MCTP2: variants seen among roughly 807,000 people sequenced by gnomAD.
MCTP2 encodes multiple C2 and transmembrane domain containing 2.
Under a neutral mutation model 111.6 loss-of-function variants are expected in MCTP2, and 132 were observed. That is an observed-to-expected ratio of 1.18 (90% confidence interval 1.03 to 1.37). The LOEUF (loss-of-function observed/expected upper bound fraction) is 1.37. Ranked by LOEUF, MCTP2 falls within the 40% of genes most tolerant of loss-of-function variation. The probability of loss-of-function intolerance (pLI) is 0.00; values close to 1 mark genes in which losing one functional copy is unlikely to be tolerated. For synonymous variants in MCTP2, 395 were observed against 387.7 expected (o/e 1.02, Z -0.22); for missense variants, 1,183 against 1,067.9 (o/e 1.11, Z -1.50).
intron 21 of MCTP2, among the ~76,000 whole-genome samples, chr15:94,473,976 A>T (rs2074134802): frequency 1.3e-5 from 2 of 151,784 alleles, no homozygotes; most frequent in Admixed American, 1.3e-4. Flanking sequence ...TTTAAACTGT[A>T]GGGCTCATTC....
rs1275005368 is a variant in MCTP2, at chr15:94,245,252, G to GTA, written c.-66+13595_-66+13596dup. ...CATATGTATGTATATATACACATAT[G>GTA]TATATATACATATGTGTATATACGT... On this transcript the variant is annotated intron_variant, in intron 1 of 22. Coordinates refer to ENST00000357742, the MANE Select transcript of MCTP2 (RefSeq NM_001385001.1). 1.2e-4 allele frequency among the ~76,000 whole-genome samples: 17 copies of GTA among 136,052 alleles called. No homozygotes were observed. The South Asian group carries it at 2.9e-3, about 23-fold the overall frequency. The allele number at this position is 136,052 out of a possible 152,430, so 89.3% of individuals were successfully genotyped here.
At chr15:94,356,557 C>G (rs2078637272) in intron 9 of MCTP2, among the ~76,000 whole-genome samples, 1 of 152,088 alleles carries the variant, frequency 6.6e-6, no homozygotes, top group African/African-American at 2.4e-5. Context: ...GAATGTCTGA[C>G]TTATTTTCAA....
chr15:94,407,641 C>T (rs1373412831), intron 17 of MCTP2, among the ~76,000 whole-genome samples: 1 of 152,106 alleles, frequency 6.6e-6, no homozygotes, highest in Non-Finnish European at 1.5e-5. Flanking sequence ...GGTAATATCC[C>T]ATATTTAACA....
chr15:94,303,109 A>T (rs1182888469), intron 2 of MCTP2, among the ~76,000 whole-genome samples: 9 of 130,836 alleles, frequency 6.9e-5, no homozygotes, highest in African/African-American at 2.7e-4. Context: ...GTTTATATAT[A>T]TATATAGTTT....
rs1567467473 is a variant in MCTP2 at position 94,340,291 on chromosome 15, AT to A, written c.857+20del. The A allele has an allele frequency of 6.3e-7, 1 of 1,582,718 alleles. No individual in the cohort carries two copies. The stretch of plus-strand genomic sequence containing the variant: ...AGCTTAACAGGTACCGTATTTTTAC[AT>A]TTTAATTGTTATTGATGAGTTTTAG... On this transcript the variant is annotated intron_variant, in intron 6 of 22. Transcript: ENST00000357742.
intron 2 of MCTP2, among the ~76,000 whole-genome samples, chr15:94,311,320 C>T (rs891625187): frequency 6.6e-6 from 1 of 151,026 alleles, no homozygotes; most frequent in African/African-American, 2.5e-5. Context: ...AGCCACTACA[C>T]TCAGCCTAGG....
chr15:94,417,654 G>A (rs778406322), intron 17 of MCTP2, among the ~76,000 whole-genome samples: 1 of 152,116 alleles, frequency 6.6e-6, no homozygotes, highest in Non-Finnish European at 1.5e-5. Flanking sequence ...TAAGGGAAAG[G>A]AGGATCCAAG....
At chr15:94,454,437 G>C (rs1033871802) in intron 19 of MCTP2, among the ~76,000 whole-genome samples, 1 of 152,040 alleles carries the variant, frequency 6.6e-6, no homozygotes, top group Non-Finnish European at 1.5e-5. Context: ...ACACAGTTGG[G>C]ATATCAACAA....
chr15:94,422,863 TC>T (rs1205907523), intron 17 of MCTP2, among the ~76,000 whole-genome samples: 1 of 152,340 alleles, frequency 6.6e-6, no homozygotes, highest in African/African-American at 2.4e-5. Context: ...TCGTCTTTTT[TC>T]TTTTTTCTTC....
Position 94,476,737 on chromosome 15 carries a change from A to C in MCTP2, c.2512A>C (p.Ile838Leu). Residue 838 changes from isoleucine to leucine, a missense_variant, in exon 22 of 23, where the codon ATC (isoleucine) becomes CTC (leucine). By Grantham distance (5) the Ile-to-Leu change is conservative. Transcript: ENST00000357742. The stretch of plus-strand genomic sequence containing the variant: ...TAAGAAGCTTCGAAATCCCTATTCC[A>C]TCGACAATAATGAGCTACTAGACTT... Reference protein sequence around the residue: ...FTKKLRNPYSIDNNELLDFLS... With the variant: ...FTKKLRNPYSLDNNELLDFLS... The C allele has an allele frequency of 6.2e-7, 1 of 1,609,900 alleles. No individual in the cohort carries two copies. The highest frequency in any genetic ancestry group is 8.5e-7 in the Non-Finnish European group (1 of 1,176,342).
intron 17 of MCTP2, among the ~76,000 whole-genome samples, chr15:94,408,103 G>A (rs2081989608): frequency 6.6e-6 from 1 of 152,094 alleles, no homozygotes; most frequent in Non-Finnish European, 1.5e-5. Flanking sequence ...TTTAAGTTCT[G>A]TCACCAGTTT....
rs529549189 is a variant in MCTP2, at chr15:94,479,306, A to G, written c.*272A>G. 2.1e-5 allele frequency: 10 copies of G among 476,908 alleles called. No individual in the cohort carries two copies. In the South Asian group the frequency reaches 3.0e-4, roughly 14 times the overall value. The allele number at this position is 476,908 out of a possible 1,614,324, so 29.5% of individuals were successfully genotyped here. On this transcript the variant is annotated 3_prime_UTR_variant, in exon 23 of 23. Coordinates refer to ENST00000357742, the MANE Select transcript of MCTP2 (RefSeq NM_001385001.1). ...TAACATCCATTCTGAAATAGGAGAT[A>G]ACAAGGCTGCCATGGATCTGAACAC... is the stretch of plus-strand genomic sequence containing the variant.
intron 10 of MCTP2, among the ~76,000 whole-genome samples, chr15:94,363,944 C>A (rs973368140): frequency 3.3e-5 from 5 of 151,938 alleles, no homozygotes; most frequent in Admixed American, 2.6e-4. Context: ...CATATTGTTT[C>A]TATCAGACAG....
intron 14 of MCTP2, among the ~76,000 whole-genome samples, chr15:94,388,062 G>T (rs114224745): frequency 6.6e-6 from 1 of 152,318 alleles, no homozygotes; most frequent in African/African-American, 2.4e-5. Flanking sequence ...GACCCTGGAG[G>T]ATGTGAAAGT....
intron 14 of MCTP2, among the ~76,000 whole-genome samples, chr15:94,396,343 G>A (rs1360255512): frequency 6.6e-6 from 1 of 151,942 alleles, no homozygotes; most frequent in Non-Finnish European, 1.5e-5. Context: ...TTTTAATTAT[G>A]TCTGTTTAAT....
Position 94,385,472 on chromosome 15 carries a change from G to C in MCTP2, c.1735G>C (p.Asp579His). 6.2e-7 allele frequency: 1 copy of C among 1,613,536 alleles called. No individual in the cohort carries two copies. Among genetic ancestry groups the C allele is most frequent in the Non-Finnish European group, 8.5e-7 (1 of 1,179,686 alleles). The part of the protein sequence containing the change: ...DVLEVTVFDE[D>H]GDKPPDFLGK... ...TTTGGAAGTGACAGTGTTTGATGAA[G>C]ATGGAGATAAACCCCCAGATTTTCT... is the stretch of plus-strand genomic sequence containing the variant. The change falls in exon 14 of 23, where the codon GAT (aspartate) becomes CAT (histidine). Residue 579 changes from aspartate to histidine, a missense_variant. Physicochemically the swap from Asp to His is moderately conservative, Grantham distance 81. Coordinates refer to ENST00000357742, the MANE Select transcript of MCTP2 (RefSeq NM_001385001.1).
chr15:94,254,328 A>G lies in MCTP2; in HGVS notation c.-66+22664A>G, dbSNP rs1041444155. Among the ~76,000 whole-genome samples the G allele has an allele frequency of 2.0e-5, 3 of 152,186 alleles. No homozygotes were observed. The South Asian group carries it at 6.2e-4, about 31-fold the overall frequency. On this transcript the variant is annotated intron_variant, in intron 1 of 22. Coordinates refer to ENST00000357742, the MANE Select transcript of MCTP2 (RefSeq NM_001385001.1). ...TGATCCCAGTTACGTAGGGATGGCA[A>G]TCTAGCCTAAGGTATAAGCACAGAT... is the stretch of plus-strand genomic sequence containing the variant.
chr15:94,460,487 G>T (rs1431537784), intron 20 of MCTP2, among the ~76,000 whole-genome samples: 1 of 152,212 alleles, frequency 6.6e-6, no homozygotes, highest in Non-Finnish European at 1.5e-5. Context: ...AGAAAGTTCA[G>T]TGAGGCACGT....
intron 1 of MCTP2, among the ~76,000 whole-genome samples, chr15:94,236,515 G>C (rs1045497675): frequency 1.3e-5 from 2 of 150,162 alleles, no homozygotes; most frequent in African/African-American, 4.9e-5. Flanking sequence ...ATAAACCTAA[G>C]GTTGCTGTGC....
Sources: allele counts gnomAD v4.1 joint callset (sites outside exome capture counted in the v4.1 genomes callset), GRCh38; gene constraint gnomAD v4.1.1; transcripts MANE v1.5; gene names NCBI Gene and HGNC (gene_info 2026-07-23, HGNC 2026-07-21).